Variants in ACOT6 observed in about 807,000 individuals in gnomAD.
ACOT6 encodes acyl-CoA thioesterase 6.
In ACOT6, 14 loss-of-function variants were observed where a neutral mutation model predicts 12.3. The observed-to-expected ratio is 1.14, with a 90% CI of 0.75 to 1.78. The LOEUF (loss-of-function observed/expected upper bound fraction) is 1.78. Ranked by LOEUF, ACOT6 falls within the 40% of genes most tolerant of loss-of-function variation. The probability of loss-of-function intolerance (pLI) is 0.00; values close to 1 mark genes in which losing one functional copy is unlikely to be tolerated. For missense variants in ACOT6, 523 were observed against 551.8 expected, an observed-to-expected ratio of 0.95 and a Z score of 0.52; for synonymous variants, 218 against 231.3, an observed-to-expected ratio of 0.94 and a Z score of 0.52.
At position 73,617,015 on chromosome 14, in the gene ACOT6, T is replaced by C; in HGVS notation, c.483T>C (p.Ile161=). The C allele has an allele frequency of 2.6e-6, 2 of 779,890 alleles. No individual in the cohort carries two copies. The highest frequency in any genetic ancestry group is 2.2e-6 in the Non-Finnish European group (1 of 455,400). The allele number at this position is 779,890 out of a possible 1,614,324, so 48.3% of individuals were successfully genotyped here. A position where few individuals can be genotyped will look rare whatever the true frequency, so the allele number is the denominator to read the frequency against. Residue 161 remains isoleucine (I), a synonymous_variant, in exon 2 of 3, where the codon ATT becomes ATC. Coordinates refer to ENST00000645972, the MANE Select transcript of ACOT6 (RefSeq NM_001365788.1). ...GCAGGGGGCCCTTTCCTGGGATCAT[T>C]GATCTGTTTGGGAGCAGCAGGGGCC... The part of the protein sequence containing the change: ...PPDEGPFPGI[I]DLFGSSRGLC...
upstream of ACOT6, among the ~76,000 whole-genome samples, chr14:73,611,863 A>G (rs930543348): frequency 2.0e-5 from 3 of 152,122 alleles, no homozygotes; most frequent in African/African-American, 7.2e-5. Context: ...TAAGGGACTG[A>G]GGGGTAAAGG....
intron 2 of ACOT6, among the ~76,000 whole-genome samples, chr14:73,617,438 G>A (rs1890559432): frequency 6.6e-6 from 1 of 152,016 alleles, no homozygotes; most frequent in Non-Finnish European, 1.5e-5. Context: ...AACATTTAGT[G>A]AGACCCCTGT....
Position 73,619,369 on chromosome 14 carries a change from C to T in ACOT6, c.796C>T (p.His266Tyr). The T allele has an allele frequency of 6.2e-7, 1 of 1,614,132 alleles. No homozygotes were observed. Among genetic ancestry groups the T allele is most frequent in the Non-Finnish European group, 8.5e-7 (1 of 1,180,032 alleles). Residue 266 changes from histidine to tyrosine, a missense_variant, in exon 3 of 3, where the codon CAT (histidine) becomes TAT (tyrosine). Transcript: ENST00000645972. Reference protein sequence around the residue: ...ACVANTVAPLHYKDMIIPKLV... With the variant: ...ACVANTVAPLYYKDMIIPKLV... ...TGTAGCCAACACAGTAGCTCCTCTA[C>T]ATTACAAGGATATGATTATTCCTAA...
At chr14:73,615,387 A>AG (rs1890516713) in intron 1 of ACOT6, among the ~76,000 whole-genome samples, 1 of 83,814 alleles carries the variant, frequency 1.2e-5, no homozygotes, top group Non-Finnish European at 2.1e-5. Flanking sequence ...ACTCTGTCTG[A>AG]TAAAAAAAAA....
Position 73,612,994 on chromosome 14 carries a change from G to A in ACOT6, c.423G>A (p.Ala141=). ...RPGVRREPVR[A]GPVRAALFLP... ...GGGTGCGGCGCGAGCCGGTGCGCGCGGGCCCGGTGCGCGCCGCGCTCTTCC... is the reference window on the plus strand; with the variant it reads ...GGGTGCGGCGCGAGCCGGTGCGCGCAGGCCCGGTGCGCGCCGCGCTCTTCC... The change falls in exon 1 of 3, where the codon GCG becomes GCA. Residue 141 remains alanine, a synonymous_variant. Coordinates refer to ENST00000645972, the MANE Select transcript of ACOT6 (RefSeq NM_001365788.1). 9.6e-7 allele frequency: 1 copy of A among 1,039,714 alleles called. No homozygotes were observed. The highest frequency in any genetic ancestry group is 1.3e-6 in the Non-Finnish European group (1 of 766,132). 64.4% of individuals were successfully genotyped at this position (1,039,714 alleles called of 1,614,324 possible). A position where few individuals can be genotyped will look rare whatever the true frequency, so the allele number is the denominator to read the frequency against.
At chr14:73,616,847 A>G (rs755646357) in intron 1 of ACOT6, 147 bp from the exon 2 acceptor site, 7 of 572,668 alleles carry the variant, frequency 1.2e-5, no homozygotes, top group Non-Finnish European at 2.2e-5. Context: ...ATCCCTCTAT[A>G]TTATCATTAT....
chr14:73,618,154 CCAACAA>C lies in ACOT6; in HGVS notation c.660+970_660+975del, dbSNP rs767422239. 6.6e-5 allele frequency among the ~76,000 whole-genome samples: 10 copies of C among 152,002 alleles called. No individual in the cohort carries two copies. The South Asian group carries it at 1.7e-3, about 25-fold the overall frequency. On this transcript the variant is annotated intron_variant, in intron 2 of 2. Transcript: ENST00000645972. ...ATGAAACCCCATCTCAAAAAAAAAC[CCAACAA>C]CAACAACGACAACAAATTTTGGTAT...
intron 2 of ACOT6, 33 bp downstream of exon 2, chr14:73,617,225 G>C: frequency 6.2e-7 from 1 of 1,614,116 alleles, no homozygotes; most frequent in Non-Finnish European, 8.5e-7. Context: ...GTGCAGAAGA[G>C]AGGGGATAGA....
At chr14:73,613,888 T>G (rs1428345125) in intron 1 of ACOT6, among the ~76,000 whole-genome samples, 1 of 152,042 alleles carries the variant, frequency 6.6e-6, no homozygotes, top group Admixed American at 6.6e-5. Flanking sequence ...GACTTAAACC[T>G]CTACCATATA....
chr14:73,616,699 A>T (rs186213019), intron 1 of ACOT6: 3,967 of 203,432 alleles, frequency 0.02, 64 homozygotes, highest in Middle Eastern at 0.059. Context: ...TCAAAAAAAA[A>T]TTTTTTTTTT....
At chr14:73,617,253 T>G in intron 2 of ACOT6, 61 bp downstream of exon 2, 1 of 1,600,570 alleles carries the variant, frequency 6.2e-7, no homozygotes, top group Non-Finnish European at 8.6e-7. Context: ...CAGGGCTGAA[T>G]CCAAAAGCCC....
chr14:73,613,086 G>C, intron 1 of ACOT6, 54 bp downstream of exon 1: 1 of 547,724 alleles, frequency 1.8e-6, no homozygotes, highest in Non-Finnish European at 3.1e-6. Flanking sequence ...CCCCTTTCCT[G>C]TCCTGGGAAT....
chr14:73,614,275 C>T (rs1393164611), intron 1 of ACOT6, among the ~76,000 whole-genome samples: 26 of 152,154 alleles, frequency 1.7e-4, no homozygotes, highest in Non-Finnish European at 3.8e-4. Context: ...TGTGATTATT[C>T]TCCAAAACAA....
In ACOT6 at chr14:73,619,328, T is replaced by G; in HGVS notation, c.755T>G (p.Val252Gly). Residue 252 changes from valine (V) to glycine (G), a missense_variant, in exon 3 of 3, where the codon GTA (valine) becomes GGA (glycine). By Grantham distance (109) the Val-to-Gly change is moderately radical (BLOSUM62 -3). Transcript: ENST00000645972. Reference protein sequence around the residue: ...ASFLKGITATVLINACVANTV... With the variant: ...ASFLKGITATGLINACVANTV... ...TTCTTGAAGGGCATCACAGCCACTG[T>G]ACTTATCAATGCCTGTGTAGCCAAC... 1.2e-6 allele frequency: 2 copies of G among 1,614,220 alleles called. No individual in the cohort carries two copies. Among genetic ancestry groups the G allele is most frequent in the Admixed American group, 1.7e-5 (1 of 60,020 alleles).
intron 2 of ACOT6, among the ~76,000 whole-genome samples, chr14:73,618,329 C>A (rs1307127693): frequency 6.8e-6 from 1 of 146,468 alleles, no homozygotes; most frequent in Non-Finnish European, 1.5e-5. Flanking sequence ...CCCCAGAATT[C>A]TCTGCCAAAC....
chr14:73,618,827 A>T (rs902256000), intron 2 of ACOT6, among the ~76,000 whole-genome samples: 5 of 152,074 alleles, frequency 3.3e-5, no homozygotes, highest in Admixed American at 2.6e-4. Flanking sequence ...AAGGAAAGCA[A>T]ATGATAGTTA....
At position 73,619,522 on chromosome 14, in the gene ACOT6, C is replaced by A; in HGVS notation, c.949C>A (p.Pro317Thr). 1 of 1,614,210 alleles carries A rather than the reference C, an allele frequency of 6.2e-7. No individual in the cohort carries two copies. Among genetic ancestry groups the A allele is most frequent in the Non-Finnish European group, 8.5e-7 (1 of 1,180,040 alleles). ...SLVPLEKAQV[P>T]FLFIVGMDDQ... is the part of the protein sequence containing the mutation. ...TGTTCCATTGGAAAAGGCGCAGGTG[C>A]CCTTCTTGTTTATTGTTGGCATGGA... Residue 317 changes from proline to threonine, a missense_variant, in exon 3 of 3, where the codon CCC (proline) becomes ACC (threonine). This residue lies in a region of ACOT6 where 219 missense variants were observed against 277.0 expected (regional missense o/e 0.79). Coordinates refer to ENST00000645972, the MANE Select transcript of ACOT6 (RefSeq NM_001365788.1).
In ACOT6 at chr14:73,612,562, C is replaced by G. The variant is rs1042263583; in HGVS notation, c.-10C>G. 3.6e-6 allele frequency: 5 copies of G among 1,372,530 alleles called. No homozygotes were observed. In the Admixed American group the frequency reaches 1.2e-4, roughly 33 times the overall value. 85.0% of individuals were successfully genotyped at this position (1,372,530 alleles called of 1,614,324 possible). ...CGGAGCTGGGTCGCCCCTGTTCTAC[C>G]CAGATTGGGATGGCAGCGACGCTGA... On this transcript the variant is annotated 5_prime_UTR_variant, in exon 1 of 3. Transcript: ENST00000645972.
At chr14:73,615,999 C>T (rs1224128322) in intron 1 of ACOT6, among the ~76,000 whole-genome samples, 1 of 152,100 alleles carries the variant, frequency 6.6e-6, no homozygotes, top group Non-Finnish European at 1.5e-5. Flanking sequence ...TTCAAGGTTA[C>T]AGTGATCTAC....
Sources: gnomAD v4.1 joint callset for allele counts (sites outside exome capture counted in the v4.1 genomes callset) on GRCh38, gnomAD v4.1.1 for gene constraint, gnomAD v4.1.1 regional missense constraint, MANE v1.5 for transcripts, NCBI Gene and HGNC (gene_info 2026-07-23, HGNC 2026-07-21) for gene names.